Variants in CIZ1 observed in about 807,000 individuals in gnomAD.
The protein encoded by CIZ1 is cip1-interacting zinc finger protein.
CIZ1 carries 58 observed loss-of-function variants against 118.6 expected under a neutral mutation model. The observed-to-expected ratio is 0.49, with a 90% CI of 0.40 to 0.61. CIZ1 has a LOEUF of 0.61. Among genes scored for constraint, CIZ1 ranks in the 20% least tolerant of loss-of-function variants. The pLI is 0.00. For synonymous variants in CIZ1, 448 were observed against 443.4 expected (o/e 1.01, Z -0.13); for missense variants, 921 against 1,115.9 (o/e 0.83, Z 2.49).
At chr9:128,198,481 C>G (rs1833430705) in intron 1 of CIZ1, 1 of 152,212 alleles carries the variant, frequency 6.6e-6, no homozygotes, top group African/African-American at 2.4e-5. Flanking sequence ...CTGCTCAATT[C>G]AACTGGCATT....
At position 128,166,570 on chromosome 9, in the gene CIZ1, C is replaced by T. The variant is rs1829454090; in HGVS notation, c.2488-164G>A. 1.1e-6 allele frequency: 1 copy of T among 927,584 alleles called. No individual in the cohort carries two copies. Among genetic ancestry groups the T allele is most frequent in the East Asian group, 2.6e-5 (1 of 38,048 alleles). 57.5% of individuals were successfully genotyped at this position (927,584 alleles called of 1,614,324 possible). On this transcript the variant is annotated intron_variant, in intron 16 of 16. Coordinates refer to ENST00000372938, the MANE Select transcript of CIZ1 (RefSeq NM_001131016.2). This position sits in a 1 kb window ranked among gnomAD's most constrained non-coding sequence, Gnocchi z 4.4. ...GCCGTCTCTGGAGCTAACAGCCTGG[C>T]ACTCAGCATCCCCTTGAACAATAAG... is the stretch of plus-strand genomic sequence containing the variant.
upstream of CIZ1, among the ~76,000 whole-genome samples, chr9:128,192,589 C>T (rs938329511): frequency 2.0e-5 from 3 of 152,148 alleles, no homozygotes; most frequent in Admixed American, 2.0e-4. Flanking sequence ...GTCGCCCAGG[C>T]TGAAGTGCAG....
At chr9:128,177,895 G>C (rs1451979482) in intron 9 of CIZ1, 132 bp from the exon 10 acceptor site, 1 of 665,820 alleles carries the variant, frequency 1.5e-6, no homozygotes, top group African/African-American at 1.8e-5. Flanking sequence ...TGAGCTGTTA[G>C]CTGACTACCC....
intron 11 of CIZ1, among the ~76,000 whole-genome samples, chr9:128,174,420 G>A (rs1274387685): frequency 6.6e-6 from 1 of 152,222 alleles, no homozygotes; most frequent in Non-Finnish European, 1.5e-5. Context: ...ACTGTAGTGA[G>A]AGATGGAGCC....
intron 7 of CIZ1, 120 bp downstream of exon 7, chr9:128,180,295 G>A: frequency 4.1e-6 from 3 of 726,196 alleles, no homozygotes; most frequent in East Asian, 2.6e-5. Flanking sequence ...AGAGGCCAAG[G>A]CCCTTTCCTT....
chr9:128,189,988 G>A (rs908647983), intron 3 of CIZ1, among the ~76,000 whole-genome samples: 15 of 152,172 alleles, frequency 9.9e-5, no homozygotes, highest in Non-Finnish European at 1.6e-4. Flanking sequence ...CCCAGGCATC[G>A]GCCCAGCTTA....
chr9:128,178,835 G>A lies in CIZ1; in HGVS notation c.1372C>T (p.Pro458Ser). Residue 458 changes from proline (P) to serine (S), a missense_variant, in exon 8 of 17, where the codon CCA becomes TCA. By Grantham distance (74) the Pro-to-Ser change is moderately conservative. Coordinates refer to ENST00000372938, the MANE Select transcript of CIZ1 (RefSeq NM_001131016.2). Reference protein sequence around the residue: ...HPPAQVSVQPPEQTHEQPHTQ... With the variant: ...HPPAQVSVQPSEQTHEQPHTQ... ...TGAGGCTGCTCATGGGTCTGCTCTG[G>A]TGGCTGTACTGACACCTGCGCTGGA... The A allele has an allele frequency of 6.2e-7, 1 of 1,614,218 alleles. No individual in the cohort carries two copies. The highest frequency in any genetic ancestry group is 8.5e-7 in the Non-Finnish European group (1 of 1,180,036).
At chr9:128,168,528 GAA>G (rs530396817) in intron 14 of CIZ1, among the ~76,000 whole-genome samples, 1 of 119,320 alleles carries the variant, frequency 8.4e-6, no homozygotes. Flanking sequence ...AAAAAAAAAA[GAA>G]AAAAAAAAAA....
At chr9:128,172,438 A>C (rs1830261147) in intron 11 of CIZ1, among the ~76,000 whole-genome samples, 1 of 152,160 alleles carries the variant, frequency 6.6e-6, no homozygotes, top group African/African-American at 2.4e-5. Flanking sequence ...GGTTGCAGTG[A>C]GCCAAGATTG....
rs1009986649 is a variant in CIZ1 at position 128,203,384 on chromosome 9, G to A, written c.-6+802C>T. 6.3e-6 allele frequency: 8 copies of A among 1,270,802 alleles called. No homozygotes were observed. 78.7% of individuals were successfully genotyped at this position (1,270,802 alleles called of 1,614,324 possible). A position where few individuals can be genotyped will look rare whatever the true frequency, so the allele number is the denominator to read the frequency against. On this transcript the variant is annotated intron_variant, in intron 1 of 17. Coordinates refer to the CIZ1 transcript ENST00000372948. This position sits in a 1 kb window ranked among gnomAD's most constrained non-coding sequence, Gnocchi z 5.3. ...GGGGGCCCCGCGGCGCAGGCAGTCT[G>A]GGCGCGCGGCTGCAGCGGCGGAGCC...
intron 7 of CIZ1, 49 bp downstream of exon 7, chr9:128,180,366 T>G (rs372302692): frequency 1.3e-5 from 18 of 1,400,092 alleles, no homozygotes; most frequent in African/African-American, 7.1e-5. Context: ...TTTGCAGGAA[T>G]GAGAGCACAG....
chr9:128,191,131 T>G lies in CIZ1; in HGVS notation c.-5-269A>C. On this transcript the variant is annotated intron_variant, in intron 1 of 16. Transcript: ENST00000372938. The surrounding 1 kb of genome is among the most constrained non-coding windows in gnomAD (Gnocchi z 5.5). ...AGCCCCTCCTTCAAGTCCCTCCATC[T>G]CTCCATTTCTGGCGGCTCCATCCTC... 1.9e-6 allele frequency: 1 copy of G among 514,750 alleles called. No homozygotes were observed. Among genetic ancestry groups the G allele is most frequent in the Non-Finnish European group, 3.4e-6 (1 of 293,688 alleles). 31.9% of individuals were successfully genotyped at this position (514,750 alleles called of 1,614,324 possible).
Position 128,190,829 on chromosome 9 carries a change from A to AGCTGCTGCT in CIZ1, c.20_28dup (p.Gln7_Gln9dup). The AGCTGCTGCT allele has an allele frequency of 2.6e-6, 4 of 1,536,736 alleles. No homozygotes were observed. The highest frequency in any genetic ancestry group is 2.6e-6 in the Non-Finnish European group (3 of 1,141,940). ...CTGGAGCTGCTGCTGCTGTTGCTGG[A>AGCTGCTGCT]GCTGCTGCTGCTGCTGCTGGCTGAA... On this transcript the variant is annotated inframe_insertion, in exon 2 of 17. Coordinates refer to ENST00000372938, the MANE Select transcript of CIZ1 (RefSeq NM_001131016.2).
chr9:128,190,979 C>T, intron 1 of CIZ1, 117 bp from the exon 2 acceptor site: 2 of 1,367,804 alleles, frequency 1.5e-6, no homozygotes, highest in Non-Finnish European at 1.9e-6. Flanking sequence ...AGGAGCTTCA[C>T]AGCTGCATTC....
At chr9:128,168,576 T>C (rs1353847227) in intron 14 of CIZ1, among the ~76,000 whole-genome samples, 2 of 151,092 alleles carry the variant, frequency 1.3e-5, no homozygotes, top group African/African-American at 2.4e-5. Context: ...CAGCTCCTCA[T>C]TCATGAGAGA....
At position 128,180,791 on chromosome 9, in the gene CIZ1, A is replaced by G. The variant is rs755516358; in HGVS notation, c.612T>C (p.Pro204=). 2 of 1,611,362 alleles carry G rather than the reference A, an allele frequency of 1.2e-6. No homozygotes were observed. The highest frequency in any genetic ancestry group is 1.7e-6 in the Non-Finnish European group (2 of 1,179,054). ...CTGGGGGGTCTGACTTGTCTTCCAC[A>G]GGCATTGTCTGAGAAGAAGAATCCT... The part of the protein sequence containing the change: ...NRKDSSSQTM[P]VEDKSDPPEG... Residue 204 remains proline, a synonymous_variant, in exon 6 of 17, where the codon CCT becomes CCC. Transcript: ENST00000372938.
chr9:128,180,306 G>C, intron 7 of CIZ1, 109 bp downstream of exon 7: 1 of 782,376 alleles, frequency 1.3e-6, no homozygotes, highest in Non-Finnish European at 2.2e-6. Context: ...CCCTTTCCTT[G>C]CTCCAGCTCC....
intron 5 of CIZ1, 51 bp from the exon 6 acceptor site, chr9:128,180,865 AC>A: frequency 7.4e-7 from 1 of 1,354,848 alleles, no homozygotes; most frequent in Non-Finnish European, 1.0e-6. Context: ...CCCTATCAAT[AC>A]CCCCTTGCCC....
chr9:128,169,746 C>T (rs1418240119), intron 12 of CIZ1: 9 of 1,520,140 alleles, frequency 5.9e-6, no homozygotes, highest in Non-Finnish European at 7.1e-6. Context: ...AGGACAGACA[C>T]AGAGAGAAGA....
Sources: allele counts gnomAD v4.1 joint callset (sites outside exome capture counted in the v4.1 genomes callset), GRCh38; gene constraint gnomAD v4.1.1; non-coding constraint Gnocchi (gnomAD v3.1); transcripts MANE v1.5; gene names NCBI Gene and HGNC (gene_info 2026-07-23, HGNC 2026-07-21).